Variants in MOV10 observed in about 807,000 individuals in gnomAD.
MOV10 encodes Mov10 RNA helicase.
MOV10 carries 39 observed loss-of-function variants against 108.4 expected under a neutral mutation model. That is an observed-to-expected ratio of 0.36 (90% CI 0.28 to 0.47). The LOEUF (loss-of-function observed/expected upper bound fraction) is 0.47, where lower values mean the gene tolerates loss of function less well. Ranked by LOEUF, MOV10 falls within the 20% of genes least tolerant of loss-of-function variation. The pLI is 1.00. For synonymous variants in MOV10, 490 were observed against 523.1 expected (o/e 0.94, Z 0.86); for missense variants, 952 against 1,297.6 (o/e 0.73, Z 4.09).
In MOV10 at chr1:112,696,860, C is replaced by T. The variant is rs1360433375; in HGVS notation, c.2198+14C>T. 6.4e-7 allele frequency: 1 copy of T among 1,559,586 alleles called. No individual in the cohort carries two copies. The highest frequency in any genetic ancestry group is 8.7e-7 in the Non-Finnish European group (1 of 1,148,970). On this transcript the variant is annotated intron_variant, in intron 14 of 20. Transcript: ENST00000369645. Reference sequence around the variant, plus strand: ...CCGCAACTACAGGTATTCCCATGCCCTTGCCTCCCCTGCCATATCCTATGC... The same window carrying T: ...CCGCAACTACAGGTATTCCCATGCCTTTGCCTCCCCTGCCATATCCTATGC...
rs373394269 is a variant in MOV10, at chr1:112,696,771, C to T, written c.2123C>T (p.Thr708Ile). 1.7e-5 allele frequency: 28 copies of T among 1,605,310 alleles called. No homozygotes were observed. The highest frequency in any genetic ancestry group is 2.3e-5 in the Non-Finnish European group (27 of 1,175,706). Residue 708 changes from threonine (T) to isoleucine (I), a missense_variant, in exon 14 of 21, where the codon ACC (threonine) becomes ATC (isoleucine). This residue lies in a region of MOV10 where 453 missense variants were observed against 611.5 expected (regional missense o/e 0.74). Coordinates refer to ENST00000369645, the MANE Select transcript of MOV10 (RefSeq NM_001321324.2). ...LGYSLLERLL[T>I]YNSLYKKGPD... ...TACTCACTGCTGGAGCGGCTGCTCACCTACAACTCCCTGTACAAGAAGGGC... is the reference window on the plus strand; with the variant it reads ...TACTCACTGCTGGAGCGGCTGCTCATCTACAACTCCCTGTACAAGAAGGGC...
intron 2 of MOV10, among the ~76,000 whole-genome samples, chr1:112,677,066 ACTC>A (rs375373976): frequency 0.011 from 1,717 of 152,100 alleles, 14 homozygotes; most frequent in Non-Finnish European, 0.018. Flanking sequence ...ATAAGATACC[ACTC>A]CTCTGTAATC....
intron 2 of MOV10, among the ~76,000 whole-genome samples, chr1:112,676,506 T>A (rs571251012): frequency 6.6e-6 from 1 of 152,258 alleles, no homozygotes; most frequent in African/African-American, 2.4e-5. Context: ...AATAGGGTAT[T>A]GCAATAGGAA....
chr1:112,683,297 A>T (rs538637326), intron 2 of MOV10, among the ~76,000 whole-genome samples: 10 of 152,138 alleles, frequency 6.6e-5, no homozygotes, highest in Non-Finnish European at 1.5e-4. Flanking sequence ...GGAATTTTTG[A>T]GTCATAGGAT....
At position 112,694,229 on chromosome 1, in the gene MOV10, GGGA is replaced by G. The variant is rs1243846332; in HGVS notation, c.1295+65_1295+67del. ...AGGGTCTACAGACTTCTGACCCCAG[GGGA>G]GGAGGAGTGTTTCTCCCTGAGATAA... On this transcript the variant is annotated intron_variant, in intron 8 of 20. Coordinates refer to ENST00000369645, the MANE Select transcript of MOV10 (RefSeq NM_001321324.2). This position sits in a 1 kb window ranked among gnomAD's most constrained non-coding sequence, Gnocchi z 4.1. 1.3e-6 allele frequency: 2 copies of G among 1,599,754 alleles called. No homozygotes were observed. Among genetic ancestry groups the G allele is most frequent in the South Asian group, 1.1e-5 (1 of 90,530 alleles).
intron 7 of MOV10, 182 bp from the exon 8 acceptor site, chr1:112,693,836 C>G (rs537041889): frequency 1.8e-6 from 1 of 562,598 alleles, no homozygotes; most frequent in Non-Finnish European, 3.1e-6. Context: ...TGTCTTCTTC[C>G]TCTTCCCCTG....
chr1:112,689,150 T>C lies in MOV10; in HGVS notation c.341+12T>C. 1 of 1,581,232 alleles carries C rather than the reference T, an allele frequency of 6.3e-7. No individual in the cohort carries two copies. The highest frequency in any genetic ancestry group is 1.1e-5 in the South Asian group (1 of 87,932). ...ATCTTTTATGACAGGTGTGTGTGTG[T>C]TGTATGTTGTGTGTACGGGGAGGTC... is the stretch of plus-strand genomic sequence containing the variant. On this transcript the variant is annotated intron_variant, in intron 3 of 20. Coordinates refer to ENST00000369645, the MANE Select transcript of MOV10 (RefSeq NM_001321324.2).
chr1:112,695,468 CAG>C lies in MOV10; in HGVS notation c.1674_1675del (p.Ala560Ter), dbSNP rs1557767870. ...ATCTTGGCCTGCGCTCCATCCAACT[CAG>C]GGGCTGACCTACTCTGTCAAAGGCT... On this transcript the variant is annotated frameshift_variant, in exon 11 of 21. Coordinates refer to ENST00000369645, the MANE Select transcript of MOV10 (RefSeq NM_001321324.2). LOFTEE classifies it high-confidence loss of function. 3 of 1,614,254 alleles carry C rather than the reference CAG, an allele frequency of 1.9e-6. No individual in the cohort carries two copies. Among genetic ancestry groups the C allele is most frequent in the East Asian group, 2.2e-5 (1 of 44,876 alleles).
rs781038670 is a variant in MOV10, at chr1:112,700,418, C to T, written c.2923C>T (p.Pro975Ser). ...LSKLSPSTSG[P>S]HSHDYLPQER... is the part of the protein sequence containing the mutation. Reference sequence around the variant, plus strand: ...CAGTGTACTTTCTCTCTTTCCAGGGCCCCACAGCCATGACTACCTCCCCCA... The same window carrying T: ...CAGTGTACTTTCTCTCTTTCCAGGGTCCCACAGCCATGACTACCTCCCCCA... The change falls in exon 21 of 21, where the codon CCC (proline) becomes TCC (serine). Residue 975 changes from proline to serine, a missense_variant and splice_region_variant. By Grantham distance (74) the Pro-to-Ser change is moderately conservative. Transcript: ENST00000369645. 1.9e-6 allele frequency: 3 copies of T among 1,613,396 alleles called. No individual in the cohort carries two copies. The Admixed American group carries it at 5.0e-5, about 27-fold the overall frequency.
chr1:112,676,648 A>G (rs555607044), intron 2 of MOV10, among the ~76,000 whole-genome samples: 1 of 152,320 alleles, frequency 6.6e-6, no homozygotes, highest in South Asian at 2.1e-4. Context: ...ATTTTTGCTC[A>G]CCTGACCTAA....
chr1:112,693,901 T>G, intron 7 of MOV10, 117 bp from the exon 8 acceptor site: 2 of 811,550 alleles, frequency 2.5e-6, no homozygotes, highest in Admixed American at 2.3e-5. Context: ...ACTCCCTGAG[T>G]CTTAGGTTAG....
At chr1:112,685,178 C>A (rs2101310750) in intron 2 of MOV10, 1 of 144,628 alleles carries the variant, frequency 6.9e-6, no homozygotes, top group African/African-American at 2.5e-5. Context: ...CACCACCATG[C>A]CTGGCTTTTT....
chr1:112,688,689 C>T, intron 2 of MOV10: 1 of 1,382,586 alleles, frequency 7.2e-7, no homozygotes, highest in Non-Finnish European at 9.4e-7. Context: ...CAGAAACGAA[C>T]AATCCAGAAC....
intron 2 of MOV10, among the ~76,000 whole-genome samples, chr1:112,684,492 T>C (rs1672920247): frequency 6.6e-6 from 1 of 151,776 alleles, no homozygotes; most frequent in South Asian, 2.1e-4. Flanking sequence ...GGTCTCAAAC[T>C]CCCGACCTCA....
chr1:112,692,869 G>A lies in MOV10; in HGVS notation c.1080G>A (p.Leu360=). ...QMEHDIRHYD[L]ESVPMTWDPV... is the part of the protein sequence containing the mutation. Reference sequence around the variant, plus strand: ...AGCATGATATCCGGCACTATGACCTGGAGTCGGTGCCCATGACCTGGGACC... The same window carrying A: ...AGCATGATATCCGGCACTATGACCTAGAGTCGGTGCCCATGACCTGGGACC... The change falls in exon 7 of 21, where the codon CTG becomes CTA. Residue 360 remains leucine (L), a synonymous_variant. Transcript: ENST00000369645. 2 of 1,613,852 alleles carry A rather than the reference G, an allele frequency of 1.2e-6. No homozygotes were observed. The highest frequency in any genetic ancestry group is 1.7e-6 in the Non-Finnish European group (2 of 1,179,932).
At chr1:112,696,911 C>A in intron 14 of MOV10, 65 bp downstream of exon 14, 1 of 1,308,362 alleles carries the variant, frequency 7.6e-7, no homozygotes, top group Non-Finnish European at 1.1e-6. Context: ...GCAGACCCCA[C>A]TGGAGAGTCT....
chr1:112,693,982 C>G, intron 7 of MOV10, 36 bp from the exon 8 acceptor site: 1 of 1,611,616 alleles, frequency 6.2e-7, no homozygotes, highest in East Asian at 2.2e-5. Flanking sequence ...GCGTCCATCC[C>G]TGGGACAGAA....
chr1:112,677,061 A>G (rs1174415334), intron 2 of MOV10, among the ~76,000 whole-genome samples: 2 of 152,120 alleles, frequency 1.3e-5, no homozygotes, highest in African/African-American at 4.8e-5. Flanking sequence ...TGCAGATAAG[A>G]TACCACTCCT....
chr1:112,689,001 C>G lies in MOV10; in HGVS notation c.204C>G (p.Tyr68Ter). 6.2e-7 allele frequency: 1 copy of G among 1,612,586 alleles called. No homozygotes were observed. Among genetic ancestry groups the G allele is most frequent in the Non-Finnish European group, 8.5e-7 (1 of 1,180,028 alleles). The change falls in exon 3 of 21, where the codon TAC becomes TAG. Residue 68 changes from tyrosine (Y) to a stop codon, truncating the protein, a stop_gained. Coordinates refer to ENST00000369645, the MANE Select transcript of MOV10 (RefSeq NM_001321324.2). LOFTEE classifies it high-confidence loss of function. ...LYGMKIANLAYVTKTRVRFFR... is the reference protein window; with the variant it reads ...LYGMKIANLA ...GAATGAAGATTGCAAATCTGGCCTACGTCACCAAGACTCGGGTCAGGTTCT... is the reference window on the plus strand; with the variant it reads ...GAATGAAGATTGCAAATCTGGCCTAGGTCACCAAGACTCGGGTCAGGTTCT...
Sources: allele counts gnomAD v4.1 joint callset (sites outside exome capture counted in the v4.1 genomes callset), GRCh38; gene constraint gnomAD v4.1.1; regional missense constraint gnomAD v4.1.1; non-coding constraint Gnocchi (gnomAD v3.1); transcripts MANE v1.5; gene names NCBI Gene and HGNC (gene_info 2026-07-23, HGNC 2026-07-21).